The following DAPK1 variants were observed in gnomAD, a reference collection of about 807,000 sequenced individuals.
The protein encoded by DAPK1 is death associated protein kinase 1.
DAPK1 carries 56 observed loss-of-function variants against 144.9 expected under a neutral mutation model. The ratio of observed to expected loss-of-function variants is 0.39; its 90% CI spans 0.31 to 0.48. The LOEUF (loss-of-function observed/expected upper bound fraction) is 0.48, where lower values mean the gene tolerates loss of function less well. Among genes scored for constraint, DAPK1 ranks in the 20% least tolerant of loss-of-function variants. The pLI, the probability that DAPK1 is intolerant of heterozygous loss-of-function variation, is 0.95. For synonymous variants in DAPK1, 690 were observed against 749.0 expected (o/e 0.92, Z 1.29); for missense variants, 1,454 against 1,875.4 (o/e 0.78, Z 4.15).
intron 2 of DAPK1, among the ~76,000 whole-genome samples, chr9:87,571,459 A>C (rs1259716197): frequency 1.6e-5 from 1 of 62,050 alleles, no homozygotes; most frequent in Non-Finnish European, 3.0e-5. Flanking sequence ...ACACACACAC[A>C]CACACACACA....
At chr9:87,555,970 T>C (rs10512187) in intron 2 of DAPK1, among the ~76,000 whole-genome samples, 80,516 of 152,148 alleles carry the variant, frequency 0.53, 23,644 homozygotes, top group African/African-American at 0.77. Context: ...GTACGTGTTG[T>C]CAGTAGCTTC....
Position 87,707,863 on chromosome 9 carries a change from C to T in DAPK1, c.*499C>T. On this transcript the variant is annotated 3_prime_UTR_variant, in exon 26 of 26. Transcript: ENST00000408954. The surrounding 1 kb of genome is among the most constrained non-coding windows in gnomAD (Gnocchi z 4.0). ...AGAAACTCCCATGTATGGAATCCCA[C>T]TGTATGATTTATAAACAGACAATAT... is the stretch of plus-strand genomic sequence containing the variant. 1 of 456,776 alleles carries T rather than the reference C, an allele frequency of 2.2e-6. No individual in the cohort carries two copies. The highest frequency in any genetic ancestry group is 1.5e-5 in the South Asian group (1 of 64,538). 28.3% of individuals were successfully genotyped at this position (456,776 alleles called of 1,614,324 possible). A position where few individuals can be genotyped will look rare whatever the true frequency, so the allele number is the denominator to read the frequency against.
intron 10 of DAPK1, among the ~76,000 whole-genome samples, chr9:87,642,694 G>A (rs1206013064): frequency 6.6e-6 from 1 of 152,048 alleles, no homozygotes; most frequent in Admixed American, 6.5e-5. Flanking sequence ...CCCAGCTCAG[G>A]GCCAGAAATG....
At chr9:87,680,254 G>A (rs948374245) in intron 19 of DAPK1, among the ~76,000 whole-genome samples, 4 of 152,098 alleles carry the variant, frequency 2.6e-5, no homozygotes, top group African/African-American at 4.8e-5. Context: ...ACAGGCTCCC[G>A]CCACCACGCC....
intron 2 of DAPK1, among the ~76,000 whole-genome samples, chr9:87,561,327 C>T (rs1341668685): frequency 6.6e-6 from 1 of 152,084 alleles, no homozygotes; most frequent in East Asian, 1.9e-4. Context: ...GAGATCGAGA[C>T]CAGCCTGGCT....
At chr9:87,533,126 A>T (rs952850509) in intron 2 of DAPK1, among the ~76,000 whole-genome samples, 2 of 152,198 alleles carry the variant, frequency 1.3e-5, no homozygotes, top group Non-Finnish European at 2.9e-5. Context: ...CTGTGTATGC[A>T]CACACACACA....
chr9:87,561,579 A>T (rs1023452162), intron 2 of DAPK1, among the ~76,000 whole-genome samples: 1 of 152,184 alleles, frequency 6.6e-6, no homozygotes, highest in Non-Finnish European at 1.5e-5. Context: ...TTCTATTCTA[A>T]TGAAACCTTT....
At chr9:87,568,839 T>C (rs11141892) in intron 2 of DAPK1, among the ~76,000 whole-genome samples, 42,159 of 152,086 alleles carry the variant, frequency 0.28, 6,246 homozygotes, top group East Asian at 0.49. Context: ...ATTTACTCCC[T>C]GGGTGGGAAA....
chr9:87,584,961 G>C (rs1827895276), intron 2 of DAPK1, among the ~76,000 whole-genome samples: 1 of 152,190 alleles, frequency 6.6e-6, no homozygotes, highest in South Asian at 2.1e-4. Flanking sequence ...ACAAGCGTGA[G>C]CCACTGCGTC....
intron 2 of DAPK1, among the ~76,000 whole-genome samples, chr9:87,601,138 C>T (rs909735201): frequency 6.6e-6 from 1 of 152,188 alleles, no homozygotes; most frequent in South Asian, 2.1e-4. Context: ...AGGAAGGGAT[C>T]GGAGCAGCAA....
At chr9:87,659,588 C>T (rs913612104) in intron 18 of DAPK1, among the ~76,000 whole-genome samples, 1 of 152,226 alleles carries the variant, frequency 6.6e-6, no homozygotes, top group African/African-American at 2.4e-5. Flanking sequence ...TGTGCGGCCC[C>T]CTCTGTAGGG....
At chr9:87,589,606 T>C (rs371134210) in intron 2 of DAPK1, among the ~76,000 whole-genome samples, 1 of 152,142 alleles carries the variant, frequency 6.6e-6, no homozygotes. Flanking sequence ...AATCCTGTAC[T>C]TGTGAGGTTC....
At chr9:87,508,079 C>T (rs1018765953) in intron 2 of DAPK1, among the ~76,000 whole-genome samples, 30 of 152,116 alleles carry the variant, frequency 2.0e-4, no homozygotes, top group Middle Eastern at 3.4e-3. Context: ...GTGGCATGCT[C>T]TTGGCTCGCT....
chr9:87,528,064 C>T (rs1379840186), intron 2 of DAPK1, among the ~76,000 whole-genome samples: 2 of 152,234 alleles, frequency 1.3e-5, no homozygotes, highest in Non-Finnish European at 2.9e-5. Context: ...AAGCCACTTG[C>T]ACTGACACTG....
Position 87,684,728 on chromosome 9 carries a change from C to G in DAPK1, c.2225-1823C>G, listed in dbSNP as rs73653343. Among the ~76,000 whole-genome samples, 680 of 151,996 alleles carry G rather than the reference C, an allele frequency of 4.5e-3. 3 individuals are homozygous for G. Among genetic ancestry groups the G allele is most frequent in the African/African-American group, 0.015 (629 of 41,494 alleles). ...CGGAGAGGAGCCTGCGGGAGGAATT[C>G]CCGGTGACCAGGTAAAGTGGGTCTC... On this transcript the variant is annotated intron_variant, in intron 20 of 25. Transcript: ENST00000408954.
At chr9:87,637,879 T>C in intron 3 of DAPK1, 64 bp from the exon 4 acceptor site, 1 of 1,568,552 alleles carries the variant, frequency 6.4e-7, no homozygotes, top group Non-Finnish European at 8.7e-7. Context: ...ACCAATAGTC[T>C]ATGAGAGAAG....
intron 2 of DAPK1, among the ~76,000 whole-genome samples, chr9:87,568,818 A>C (rs938179384): frequency 6.6e-6 from 1 of 152,206 alleles, no homozygotes. Flanking sequence ...TCCAAATTGC[A>C]GGCCTTGATC....
intron 24 of DAPK1, 72 bp from the exon 25 acceptor site, chr9:87,702,957 T>TGGAA (rs1825507419): frequency 1.4e-6 from 1 of 721,804 alleles, no homozygotes; most frequent in Non-Finnish European, 2.5e-6. Flanking sequence ...AAAGGTGTCC[T>TGGAA]TTCCACTGTG....
chr9:87,631,257 T>G (rs746397632), intron 3 of DAPK1, among the ~76,000 whole-genome samples: 1 of 152,152 alleles, frequency 6.6e-6, no homozygotes, highest in East Asian at 1.9e-4. Context: ...TCAAGTCTTG[T>G]TATATTTTGG....
Sources: gnomAD v4.1 joint callset for allele counts (sites outside exome capture counted in the v4.1 genomes callset) on GRCh38, gnomAD v4.1.1 for gene constraint, Gnocchi (gnomAD v3.1) non-coding constraint, MANE v1.5 for transcripts, NCBI Gene and HGNC (gene_info 2026-07-23, HGNC 2026-07-21) for gene names.